Variants in CYP7B1 observed in about 807,000 individuals in gnomAD.
CYP7B1 encodes the protein cytochrome P450 7B1.
Under a neutral mutation model 42.7 loss-of-function variants are expected in CYP7B1, and 29 were observed. That is an observed-to-expected ratio of 0.68 (90% confidence interval 0.51 to 0.93). The LOEUF is 0.93. Among genes scored for constraint, CYP7B1 ranks in the 40% least tolerant of loss-of-function variants. The pLI is 0.00. For synonymous variants in CYP7B1, 235 were observed against 218.2 expected (o/e 1.08, Z -0.68); for missense variants, 655 against 600.5 (o/e 1.09, Z -0.95).
At chr8:64,604,620 T>C (rs1805248197) in intron 5 of CYP7B1, 62 bp downstream of exon 5, 6 of 1,594,060 alleles carry the variant, frequency 3.8e-6, no homozygotes, top group South Asian at 1.1e-5. Context: ...GAGATAGGGA[T>C]GGAAGAGGAA....
At chr8:64,677,438 CAAAAAAAAAAAA>C (rs148821778) in intron 1 of CYP7B1, among the ~76,000 whole-genome samples, 109 of 87,284 alleles carry the variant, frequency 1.2e-3, no homozygotes, top group African/African-American at 3.4e-3. Context: ...ATTTAGGAGC[CAAAAAAAAAAAA>C]AAAAAAAAAA....
At chr8:64,660,146 T>C (rs1197418771) in intron 1 of CYP7B1, among the ~76,000 whole-genome samples, 1 of 152,234 alleles carries the variant, frequency 6.6e-6, no homozygotes, top group African/African-American at 2.4e-5. Context: ...TACTGTTGCT[T>C]TGTTACAGAT....
intron 1 of CYP7B1, among the ~76,000 whole-genome samples, chr8:64,661,066 G>A (rs1806192965): frequency 6.6e-6 from 1 of 152,212 alleles, no homozygotes; most frequent in Admixed American, 6.5e-5. Context: ...GAAAGAAGAT[G>A]TATATAACTT....
intron 1 of CYP7B1, among the ~76,000 whole-genome samples, chr8:64,759,688 T>C (rs1175051452): frequency 6.6e-6 from 1 of 152,138 alleles, no homozygotes; most frequent in South Asian, 2.1e-4. Flanking sequence ...ACAAAATTCT[T>C]TATTTTACAG....
intron 4 of CYP7B1, among the ~76,000 whole-genome samples, chr8:64,608,966 A>T (rs1033578718): frequency 1.3e-5 from 2 of 152,176 alleles, no homozygotes; most frequent in Admixed American, 6.5e-5. Flanking sequence ...CATATATTCC[A>T]TAAATGTTTG....
intron 5 of CYP7B1, among the ~76,000 whole-genome samples, chr8:64,603,770 T>C (rs1250944277): frequency 2.0e-5 from 3 of 152,232 alleles, no homozygotes; most frequent in Non-Finnish European, 4.4e-5. Flanking sequence ...ATGCAAATTT[T>C]CTAATTGTAT....
chr8:64,697,453 T>C (rs559480243), intron 1 of CYP7B1, among the ~76,000 whole-genome samples: 3 of 152,340 alleles, frequency 2.0e-5, no homozygotes, highest in African/African-American at 7.2e-5. Flanking sequence ...TGTGTCTGTC[T>C]TGTCCATTTC....
At chr8:64,639,499 G>C (rs918223485) in intron 1 of CYP7B1, among the ~76,000 whole-genome samples, 1 of 151,984 alleles carries the variant, frequency 6.6e-6, no homozygotes, top group Non-Finnish European at 1.5e-5. Flanking sequence ...ATAGGCACAT[G>C]AAAAGATGTT....
At chr8:64,623,207 G>A (rs1805557515) in intron 2 of CYP7B1, among the ~76,000 whole-genome samples, 1 of 152,200 alleles carries the variant, frequency 6.6e-6, no homozygotes, top group Admixed American at 6.5e-5. Context: ...GGAAGAGGTG[G>A]AGTCTCTTTC....
chr8:64,586,669 C>T (rs543550610), downstream of CYP7B1, among the ~76,000 whole-genome samples: 1 of 152,172 alleles, frequency 6.6e-6, no homozygotes, highest in Non-Finnish European at 1.5e-5. Flanking sequence ...TGCCTTTAAA[C>T]AAAATTAAAT....
intron 1 of CYP7B1, among the ~76,000 whole-genome samples, chr8:64,626,967 A>G (rs1805618679): frequency 6.6e-6 from 1 of 152,222 alleles, no homozygotes; most frequent in South Asian, 2.1e-4. Context: ...TTTTCCCACA[A>G]TCCAACATGG....
chr8:64,659,676 A>G (rs1321195708), intron 1 of CYP7B1, among the ~76,000 whole-genome samples: 4 of 152,226 alleles, frequency 2.6e-5, no homozygotes, highest in Non-Finnish European at 1.5e-5. Flanking sequence ...ACGGTTATTC[A>G]TACTCAAAGC....
At chr8:64,699,326 C>T (rs1384629611) in intron 1 of CYP7B1, among the ~76,000 whole-genome samples, 2 of 151,940 alleles carry the variant, frequency 1.3e-5, no homozygotes, top group Non-Finnish European at 2.9e-5. Context: ...AAGAACTGTT[C>T]ATTTTTAGAG....
At chr8:64,793,479 T>C (rs1020951652) in intron 1 of CYP7B1, among the ~76,000 whole-genome samples, 1 of 152,140 alleles carries the variant, frequency 6.6e-6, no homozygotes, top group African/African-American at 2.4e-5. Flanking sequence ...ATATGTTATC[T>C]TCAACAACAA....
chr8:64,674,854 T>C (rs1806420962), intron 1 of CYP7B1, among the ~76,000 whole-genome samples: 2 of 152,162 alleles, frequency 1.3e-5, no homozygotes, highest in Admixed American at 1.3e-4. Context: ...TATCACAAAA[T>C]ATCCTGAATA....
intron 5 of CYP7B1, among the ~76,000 whole-genome samples, chr8:64,604,108 A>G (rs1376885616): frequency 6.6e-6 from 1 of 152,204 alleles, no homozygotes; most frequent in African/African-American, 2.4e-5. Flanking sequence ...AAAAAAACAC[A>G]GGGAGATGAC....
intron 1 of CYP7B1, among the ~76,000 whole-genome samples, chr8:64,686,525 C>A (rs1197704947): frequency 3.4e-5 from 2 of 59,086 alleles, no homozygotes; most frequent in Non-Finnish European, 3.5e-5. Context: ...CCCCCCTGCC[C>A]GGCCAGCCAC....
chr8:64,739,025 G>A (rs1807531667), intron 1 of CYP7B1, among the ~76,000 whole-genome samples: 1 of 152,146 alleles, frequency 6.6e-6, no homozygotes. Context: ...TCTGTCTCTG[G>A]CAGGCAGAGG....
intron 1 of CYP7B1, among the ~76,000 whole-genome samples, chr8:64,663,293 T>C (rs1208277633): frequency 6.6e-6 from 1 of 152,272 alleles, no homozygotes; most frequent in African/African-American, 2.4e-5. Flanking sequence ...CTAATTATTC[T>C]GAATGCCTAC....
Sources: gnomAD v4.1 joint callset for allele counts (sites outside exome capture counted in the v4.1 genomes callset) on GRCh38, gnomAD v4.1.1 for gene constraint, MANE v1.5 for transcripts, NCBI Gene and HGNC (gene_info 2026-07-23, HGNC 2026-07-21) for gene names.